DYRK4: variants seen among roughly 807,000 people sequenced by gnomAD.
DYRK4 encodes the protein dual specificity tyrosine phosphorylation regulated kinase 4.
Under a neutral mutation model 68.3 loss-of-function variants are expected in DYRK4, and 64 were observed. The observed-to-expected ratio is 0.94, with a 90% CI of 0.77 to 1.15. DYRK4 has a LOEUF of 1.15. Ranked by LOEUF, DYRK4 falls within the 50% of genes most tolerant of loss-of-function variation. The pLI is 0.00. For synonymous variants in DYRK4, 274 were observed against 289.9 expected (o/e 0.95, Z 0.56); for missense variants, 740 against 764.7 (o/e 0.97, Z 0.38).
At chr12:4,602,912 T>G in intron 10 of DYRK4, 2 of 868,864 alleles carry the variant, frequency 2.3e-6, no homozygotes, top group East Asian at 4.8e-5. Flanking sequence ...TTTGTAAGTA[T>G]TAGTGTCTTT....
chr12:4,607,881 G>A (rs894753609), intron 12 of DYRK4, among the ~76,000 whole-genome samples: 12 of 152,196 alleles, frequency 7.9e-5, no homozygotes, highest in African/African-American at 2.4e-4. Flanking sequence ...GGTTAAGCAA[G>A]GACTTAGTTT....
rs1036084951 is a variant in DYRK4, at chr12:4,573,409, C to A, written c.132+5361C>A. 75 of 1,284,384 alleles carry A rather than the reference C, an allele frequency of 5.8e-5. No homozygotes were observed. In the African/African-American group the frequency reaches 1.1e-3, roughly 19 times the overall value. 79.6% of individuals were successfully genotyped at this position (1,284,384 alleles called of 1,614,324 possible). On this transcript the variant is annotated intron_variant, in intron 2 of 14. Transcript: ENST00000543431. ...GTTCATTGGTGCTTTAATTTCCAAT[C>A]AAAGAAAGGAGAACAAAGATTTGAA...
chr12:4,602,479 G>C, intron 10 of DYRK4: 1 of 1,300,084 alleles, frequency 7.7e-7, no homozygotes, highest in Non-Finnish European at 1.1e-6. Flanking sequence ...TTCGATCTGA[G>C]ATGGCAGCAG....
At chr12:4,570,626 C>A (rs1485993442) in intron 2 of DYRK4, among the ~76,000 whole-genome samples, 1 of 152,172 alleles carries the variant, frequency 6.6e-6, no homozygotes, top group Non-Finnish European at 1.5e-5. Flanking sequence ...TGGATCTCAC[C>A]ATGTCTACTG....
chr12:4,590,985 T>C (rs1944947841), intron 4 of DYRK4, 175 bp from the exon 5 acceptor site: 2 of 729,948 alleles, frequency 2.7e-6, no homozygotes, highest in East Asian at 2.7e-5. Context: ...GTCAGACAGA[T>C]GCTTCCTTTG....
chr12:4,564,605 C>T (rs1201084765), intron 1 of DYRK4: 2 of 152,202 alleles, frequency 1.3e-5, no homozygotes, highest in Non-Finnish European at 2.9e-5. Flanking sequence ...AGGCTGGCAC[C>T]TCTGTGGATC....
intron 1 of DYRK4, among the ~76,000 whole-genome samples, chr12:4,566,981 T>C (rs921069455): frequency 2.0e-5 from 3 of 152,276 alleles, no homozygotes; most frequent in Admixed American, 2.0e-4. Flanking sequence ...CTACTGTTTT[T>C]GCTCAATACA....
At position 4,610,311 on chromosome 12, in the gene DYRK4, C is replaced by T. The variant is rs367652232; in HGVS notation, c.1490+27C>T. ...TGAGTTTGTTGGGACATCTCTGCTT[C>T]TGGGTTTCCTCTTAAATGCTGTACT... On this transcript the variant is annotated intron_variant, in intron 13 of 14. Coordinates refer to ENST00000543431, the MANE Select transcript of DYRK4 (RefSeq NM_001394779.1). 2.4e-5 allele frequency: 36 copies of T among 1,504,688 alleles called. No homozygotes were observed. In the African/African-American group the frequency reaches 4.9e-4, roughly 20 times the overall value. 93.2% of individuals were successfully genotyped at this position (1,504,688 alleles called of 1,614,324 possible). A position where few individuals can be genotyped will look rare whatever the true frequency, so the allele number is the denominator to read the frequency against.
intron 3 of DYRK4, 22 bp from the exon 4 acceptor site, chr12:4,590,308 C>A: frequency 2.0e-6 from 3 of 1,525,806 alleles, no homozygotes; most frequent in Non-Finnish European, 2.6e-6. Flanking sequence ...TTTTGTAACA[C>A]ATGCAATTTC....
intron 2 of DYRK4, among the ~76,000 whole-genome samples, chr12:4,582,231 G>A (rs1944849771): frequency 6.6e-6 from 1 of 152,124 alleles, no homozygotes; most frequent in Non-Finnish European, 1.5e-5. Flanking sequence ...TTTCACCTGA[G>A]GTCGGGAGTT....
intron 2 of DYRK4, among the ~76,000 whole-genome samples, chr12:4,571,756 C>A (rs984658574): frequency 3.9e-5 from 6 of 152,190 alleles, no homozygotes; most frequent in African/African-American, 1.4e-4. Flanking sequence ...TTAATTTCAT[C>A]TATTTCTTTT....
chr12:4,573,583 T>C lies in DYRK4; in HGVS notation c.132+5535T>C, dbSNP rs183834171. ...GACAAATAGAGTATCAGTTCGACGTTGAAGGTGGGGATAAGGAGATATTCG... is the reference window on the plus strand; with the variant it reads ...GACAAATAGAGTATCAGTTCGACGTCGAAGGTGGGGATAAGGAGATATTCG... On this transcript the variant is annotated intron_variant, in intron 2 of 14. Transcript: ENST00000543431. Among the ~76,000 whole-genome samples, 496 of 152,268 alleles carry C rather than the reference T, an allele frequency of 3.3e-3. 8 individuals carry two copies. Among genetic ancestry groups the C allele is most frequent in the African/African-American group, 0.012 (481 of 41,556 alleles).
Position 4,596,634 on chromosome 12 carries a change from C to A in DYRK4, c.810C>A (p.Leu270=). The change falls in exon 8 of 15, where the codon CTC becomes CTA. Residue 270 remains leucine (L), a synonymous_variant. Coordinates refer to ENST00000543431, the MANE Select transcript of DYRK4 (RefSeq NM_001394779.1). ...TGGAGCTGAAGATCCTGGAAGCTCTCAGAAAGAAGGACAAAGACAACACCT... is the reference window on the plus strand; with the variant it reads ...TGGAGCTGAAGATCCTGGAAGCTCTAAGAAAGAAGGACAAAGACAACACCT... ...ALMELKILEA[L]RKKDKDNTYN... is the part of the protein sequence containing the mutation. The A allele has an allele frequency of 6.2e-7, 1 of 1,614,118 alleles. No individual in the cohort carries two copies. Among genetic ancestry groups the A allele is most frequent in the Non-Finnish European group, 8.5e-7 (1 of 1,180,014 alleles).
At chr12:4,599,679 C>T in intron 9 of DYRK4, 28 bp from the exon 10 acceptor site, 3 of 1,582,836 alleles carry the variant, frequency 1.9e-6, no homozygotes, top group Non-Finnish European at 2.6e-6. Context: ...ATTACTGTAG[C>T]TTGACATATG....
At chr12:4,612,934 T>A in intron 14 of DYRK4, 1 of 515,634 alleles carries the variant, frequency 1.9e-6, no homozygotes, top group South Asian at 2.3e-5. Flanking sequence ...TTCTTGTGGC[T>A]ACATCATGAC....
intron 8 of DYRK4, chr12:4,596,943 T>C: frequency 7.1e-7 from 1 of 1,408,220 alleles, no homozygotes; most frequent in Non-Finnish European, 9.2e-7. Flanking sequence ...ATACCCATGA[T>C]GTACTTCCCT....
intron 11 of DYRK4, 79 bp from the exon 12 acceptor site, chr12:4,607,248 G>A: frequency 6.4e-7 from 1 of 1,553,352 alleles, no homozygotes; most frequent in Non-Finnish European, 8.9e-7. Context: ...GGCAAAGCTT[G>A]GCCAAAGTAC....
In DYRK4 at chr12:4,588,939, T is replaced by A. The variant is rs1944925068; in HGVS notation, c.135T>A (p.Val45=). The A allele has an allele frequency of 2.0e-5, 30 of 1,536,096 alleles. No individual in the cohort carries two copies. The highest frequency in any genetic ancestry group is 2.6e-5 in the Non-Finnish European group (30 of 1,146,878). The change falls in exon 3 of 15, where the codon GTT becomes GTA. Residue 45 remains valine, a splice_region_variant and synonymous_variant. Coordinates refer to ENST00000543431, the MANE Select transcript of DYRK4 (RefSeq NM_001394779.1). Reference sequence around the variant, plus strand: ...CTATTTTCTTCCACTTGATCCAGGTTGGAAGTAAACTTTCGGTTCAGATCC... The same window carrying A: ...CTATTTTCTTCCACTTGATCCAGGTAGGAAGTAAACTTTCGGTTCAGATCC... ...RKKQKFTSAK[V]GSKLSVQIQK...
intron 9 of DYRK4, among the ~76,000 whole-genome samples, chr12:4,599,401 G>A (rs1473073285): frequency 1.3e-5 from 2 of 151,850 alleles, no homozygotes; most frequent in Non-Finnish European, 2.9e-5. Flanking sequence ...CTAGAACCAG[G>A]TGCCAAAGAA....
Sources: gnomAD v4.1 joint callset for allele counts (sites outside exome capture counted in the v4.1 genomes callset) on GRCh38, gnomAD v4.1.1 for gene constraint, MANE v1.5 for transcripts, NCBI Gene and HGNC (gene_info 2026-07-23, HGNC 2026-07-21) for gene names.